PDCD11: variants seen among roughly 807,000 people sequenced by gnomAD.
The protein encoded by PDCD11 is protein RRP5 homolog.
PDCD11 carries 97 observed loss-of-function variants against 198.9 expected under a neutral mutation model. The ratio of observed to expected loss-of-function variants is 0.49; its 90% CI spans 0.41 to 0.58. The LOEUF (loss-of-function observed/expected upper bound fraction) is 0.58. PDCD11 is among the 20% of genes least tolerant of loss of function. PDCD11 has a pLI of 0.00. For synonymous variants in PDCD11, 893 were observed against 918.0 expected (o/e 0.97, Z 0.49); for missense variants, 2,102 against 2,312.7 (o/e 0.91, Z 1.87).
In PDCD11 at chr10:103,421,426, G is replaced by A. The variant is rs1364769938; in HGVS notation, c.2356G>A (p.Val786Met). 1.2e-6 allele frequency: 2 copies of A among 1,608,012 alleles called. No homozygotes were observed. Among genetic ancestry groups the A allele is most frequent in the South Asian group, 1.1e-5 (1 of 89,622 alleles). Residue 786 changes from valine (V) to methionine (M), a missense_variant, in exon 17 of 36, where the codon GTG becomes ATG. Transcript: ENST00000369797. ...GQTVAAKVTN[V>M]DEEKQRMLLS... is the part of the protein sequence containing the mutation. ...GACAGTAGCGGCAAAGGTGACCAAT[G>A]TGGATGAGGAGAAGCAGCGGATGCT...
In PDCD11 at chr10:103,434,783, TG is replaced by T. The variant is rs774178118; in HGVS notation, c.3668-13del. On this transcript the variant is annotated splice_polypyrimidine_tract_variant and intron_variant, in intron 24 of 35. Coordinates refer to ENST00000369797, the MANE Select transcript of PDCD11 (RefSeq NM_014976.2). ...TCATTTCCTCTTCCCTGAATCAGGT[TG>T]GTTCTTCCACCAGGTCCTCACAAGC... 1.9e-6 allele frequency: 3 copies of T among 1,598,982 alleles called. No individual in the cohort carries two copies. In the Admixed American group the frequency reaches 5.2e-5, roughly 28 times the overall value.
chr10:103,428,808 G>A (rs1244598626), intron 21 of PDCD11, among the ~76,000 whole-genome samples: 1 of 152,218 alleles, frequency 6.6e-6, no homozygotes, highest in East Asian at 1.9e-4. Flanking sequence ...AGCAGAGTGG[G>A]CCATGACAGG....
In PDCD11 at chr10:103,419,564, C is replaced by T; in HGVS notation, c.2133C>T (p.Val711=). ...RVLLCRKPAL[V]STVEGGQDPK... Reference sequence around the variant, plus strand: ...TTCTTTGCAGGAAGCCAGCCTTGGTCTCCACAGTAGAAGGTGGCCAGGATC... The same window carrying T: ...TTCTTTGCAGGAAGCCAGCCTTGGTTTCCACAGTAGAAGGTGGCCAGGATC... Residue 711 remains valine, a synonymous_variant, in exon 16 of 36, where the codon GTC becomes GTT. Transcript: ENST00000369797. 6.2e-7 allele frequency: 1 copy of T among 1,613,734 alleles called. No individual in the cohort carries two copies. Among genetic ancestry groups the T allele is most frequent in the East Asian group, 2.2e-5 (1 of 44,870 alleles).
chr10:103,424,573 G>A (rs2031601328), intron 19 of PDCD11, among the ~76,000 whole-genome samples: 1 of 152,198 alleles, frequency 6.6e-6, no homozygotes. Context: ...TCATTGCTTG[G>A]GTTGAAGAGT....
In PDCD11 at chr10:103,444,566, T is replaced by C; in HGVS notation, c.5328T>C (p.Asp1776=). 1 of 1,614,224 alleles carries C rather than the reference T, an allele frequency of 6.2e-7. No individual in the cohort carries two copies. Among genetic ancestry groups the C allele is most frequent in the African/African-American group, 1.3e-5 (1 of 75,062 alleles). Residue 1776 remains aspartate (D), a synonymous_variant, in exon 35 of 36, where the codon GAT becomes GAC. Coordinates refer to ENST00000369797, the MANE Select transcript of PDCD11 (RefSeq NM_014976.2). ...CCCAGCTTGAGTTTCAGCTGGGGGA[T>C]GCAGAGCGGGCCAAAGCCATTTTTG... ...KFAQLEFQLG[D]AERAKAIFEN... is the part of the protein sequence containing the mutation.
intron 17 of PDCD11, among the ~76,000 whole-genome samples, chr10:103,421,943 C>T (rs1431150963): frequency 3.8e-5 from 5 of 131,458 alleles, no homozygotes; most frequent in East Asian, 2.2e-4. Context: ...GCCCGCAGTC[C>T]GGCCTGGGTG....
chr10:103,432,817 C>T (rs1430730548), intron 22 of PDCD11, among the ~76,000 whole-genome samples: 1 of 152,206 alleles, frequency 6.6e-6, no homozygotes, highest in Non-Finnish European at 1.5e-5. Context: ...TCATACACCC[C>T]AGATGCCTTA....
At chr10:103,400,224 C>A (rs1415575668) in intron 2 of PDCD11, among the ~76,000 whole-genome samples, 173 bp from the exon 3 acceptor site, 1 of 142,254 alleles carries the variant, frequency 7.0e-6, no homozygotes, top group East Asian at 2.0e-4. Context: ...GCGGCCCCCC[C>A]CCTTTTTTTT....
intron 19 of PDCD11, 130 bp downstream of exon 19, chr10:103,423,788 C>T: frequency 1.5e-6 from 1 of 663,344 alleles, no homozygotes; most frequent in East Asian, 2.7e-5. Context: ...TCCAGGACAC[C>T]CCCGGTTTAG....
chr10:103,403,585 A>T (rs982276528), intron 4 of PDCD11, among the ~76,000 whole-genome samples: 1 of 152,152 alleles, frequency 6.6e-6, no homozygotes. Flanking sequence ...AGAGAGTGTG[A>T]TGTGAGATGG....
chr10:103,420,305 G>C (rs1216922113), intron 16 of PDCD11, among the ~76,000 whole-genome samples: 1 of 152,156 alleles, frequency 6.6e-6, no homozygotes, highest in Non-Finnish European at 1.5e-5. Flanking sequence ...GACTGCACTT[G>C]TTTTTATTCT....
Position 103,406,047 on chromosome 10 carries a change from TG to T in PDCD11, c.630del (p.Thr211ProfsTer8). 6.2e-7 allele frequency: 1 copy of T among 1,614,192 alleles called. No homozygotes were observed. The highest frequency in any genetic ancestry group is 8.5e-7 in the Non-Finnish European group (1 of 1,180,020). ...HGYLVDIGVD[G>X]TRAFLPLLKA... is the part of the protein sequence containing the mutation. ...GCTACCTAGTGGACATTGGTGTTGA[TG>T]GGACCAGAGCTTTTCTGCCACTGCT... On this transcript the variant is annotated frameshift_variant, in exon 6 of 36. Transcript: ENST00000369797. LOFTEE classifies it high-confidence loss of function.
chr10:103,416,428 A>G, intron 12 of PDCD11, 63 bp from the exon 13 acceptor site: 1 of 1,575,572 alleles, frequency 6.3e-7, no homozygotes, highest in Non-Finnish European at 8.7e-7. Flanking sequence ...GAGGTTGCAG[A>G]GACCAGCTCA....
At chr10:103,434,640 A>G (rs2032073886) in intron 24 of PDCD11, 158 bp from the exon 25 acceptor site, 1 of 623,342 alleles carries the variant, frequency 1.6e-6, no homozygotes, top group African/African-American at 1.8e-5. Context: ...CCTTGGCTAC[A>G]TGGCAGGGTG....
chr10:103,412,725 A>G (rs1321496852), intron 8 of PDCD11, among the ~76,000 whole-genome samples: 2 of 152,092 alleles, frequency 1.3e-5, no homozygotes, highest in East Asian at 3.9e-4. Flanking sequence ...CAGACTCCCA[A>G]AGTGCTGGGA....
At chr10:103,429,295 C>T (rs1353130681) in intron 21 of PDCD11, among the ~76,000 whole-genome samples, 2 of 152,044 alleles carry the variant, frequency 1.3e-5, no homozygotes, top group Non-Finnish European at 2.9e-5. Flanking sequence ...CTCATAGGTC[C>T]CCATTCAGTA....
chr10:103,423,472 A>G, intron 18 of PDCD11, 71 bp from the exon 19 acceptor site: 1 of 1,121,948 alleles, frequency 8.9e-7, no homozygotes, highest in Admixed American at 1.7e-5. Context: ...GGTAGCAGCT[A>G]CATGTGAGAG....
Position 103,444,574 on chromosome 10 carries a change from G to A in PDCD11, c.5336G>A (p.Arg1779Gln), listed in dbSNP as rs753025958. 4.2e-5 allele frequency: 68 copies of A among 1,614,078 alleles called. No individual in the cohort carries two copies. The highest frequency in any genetic ancestry group is 1.3e-4 in the African/African-American group (10 of 74,934). Residue 1779 changes from arginine (R) to glutamine (Q), a missense_variant, in exon 35 of 36, where the codon CGG (arginine) becomes CAG (glutamine). Arg to Gln is a conservative substitution (Grantham distance 43). Transcript: ENST00000369797. ...QLEFQLGDAE[R>Q]AKAIFENTLS... is the part of the protein sequence containing the mutation. ...GAGTTTCAGCTGGGGGATGCAGAGC[G>A]GGCCAAAGCCATTTTTGAGAACACG...
intron 19 of PDCD11, among the ~76,000 whole-genome samples, 138 bp from the exon 20 acceptor site, chr10:103,424,829 AGTGAAGGCTAGTCTGTT>A (rs1180759492): frequency 1.3e-5 from 2 of 152,322 alleles, no homozygotes; most frequent in Non-Finnish European, 2.9e-5. Flanking sequence ...AGGTCCAGGG[AGTGAAGGCTAGTCTGTT>A]CCAGCTCAGA....
Sources: gnomAD v4.1 joint callset for allele counts (sites outside exome capture counted in the v4.1 genomes callset) on GRCh38, gnomAD v4.1.1 for gene constraint, MANE v1.5 for transcripts, NCBI Gene and HGNC (gene_info 2026-07-23, HGNC 2026-07-21) for gene names.